The following CDON variants were observed in gnomAD, a reference collection of about 807,000 sequenced individuals.
CDON encodes cell adhesion associated, oncogene regulated, also known as cell adhesion molecule-related/down-regulated by oncogenes.
Under a neutral mutation model 120.9 loss-of-function variants are expected in CDON, and 73 were observed. The observed-to-expected ratio is 0.60, with a 90% CI of 0.50 to 0.73. The LOEUF is 0.73. Among genes scored for constraint, CDON ranks in the 30% least tolerant of loss-of-function variants. The probability of loss-of-function intolerance (pLI) is 0.00; values close to 1 mark genes in which losing one functional copy is unlikely to be tolerated. For synonymous variants in CDON, 566 were observed against 573.5 expected (o/e 0.99, Z 0.19); for missense variants, 1,470 against 1,587.3 (o/e 0.93, Z 1.26).
intron 1 of CDON, among the ~76,000 whole-genome samples, chr11:126,043,307 C>T (rs1450855030): frequency 1.3e-5 from 2 of 152,114 alleles, no homozygotes; most frequent in Non-Finnish European, 2.9e-5. Context: ...AAGTGGCCAA[C>T]AGGAAACTTC....
chr11:125,962,133 A>C, intron 18 of CDON, 135 bp from the exon 19 acceptor site: 1 of 717,386 alleles, frequency 1.4e-6, no homozygotes. Context: ...AAACAACTAA[A>C]TGATTCACTA....
rs201530015 is a variant in CDON, at chr11:125,997,234, A to C, written c.2335T>G (p.Ser779Ala). ...AAEDIPPSKL[S>A]VEVRSLEPGS... Reference sequence around the variant, plus strand: ...GGTTCTAAACTACGAACTTCCACTGAAAGTTTGGAAGGAGGGATGTCTTCA... The same window carrying C: ...GGTTCTAAACTACGAACTTCCACTGCAAGTTTGGAAGGAGGGATGTCTTCA... The change falls in exon 12 of 20, where the codon TCA (serine) becomes GCA (alanine). Residue 779 changes from serine to alanine, a missense_variant. By Grantham distance (99) the Ser-to-Ala change is moderately conservative. Coordinates refer to ENST00000531738, the MANE Select transcript of CDON (RefSeq NM_001378964.1). 2.5e-6 allele frequency: 4 copies of C among 1,613,670 alleles called. No homozygotes were observed. The highest frequency in any genetic ancestry group is 3.4e-6 in the Non-Finnish European group (4 of 1,179,672).
At chr11:125,962,038 A>G (rs759465225) in intron 18 of CDON, 40 bp from the exon 19 acceptor site, 1 of 1,466,604 alleles carries the variant, frequency 6.8e-7, no homozygotes, top group African/African-American at 1.4e-5. Context: ...TTGTGTCTAG[A>G]GGAACCAATA....
intron 17 of CDON, 49 bp downstream of exon 17, chr11:125,981,000 T>C: frequency 6.3e-7 from 1 of 1,592,352 alleles, no homozygotes; most frequent in South Asian, 1.1e-5. Context: ...TTCTAGTACT[T>C]GGCACCCTGA....
At chr11:126,022,013 G>C (rs1947656494) in intron 2 of CDON, among the ~76,000 whole-genome samples, 1 of 150,076 alleles carries the variant, frequency 6.7e-6, no homozygotes, top group Non-Finnish European at 1.5e-5. Context: ...GAGGTGGGAG[G>C]ATTGCTTGAG....
Position 125,997,323 on chromosome 11 carries a change from G to C in CDON, c.2246C>G (p.Ser749Cys), listed in dbSNP as rs757737281. The C allele has an allele frequency of 6.2e-7, 1 of 1,614,046 alleles. No homozygotes were observed. Among genetic ancestry groups the C allele is most frequent in the Non-Finnish European group, 8.5e-7 (1 of 1,179,922 alleles). Residue 749 changes from serine to cysteine, a missense_variant, in exon 12 of 20, where the codon TCT (serine) becomes TGT (cysteine). Transcript: ENST00000531738. Reference sequence around the variant, plus strand: ...TTCGACTTTGAAGGCAGTGATTGGAGAACCCCCGTTTGCCCGAGGAATCCA... The same window carrying C: ...TTCGACTTTGAAGGCAGTGATTGGACAACCCCCGTTTGCCCGAGGAATCCA... ...VTWIPRANGG[S>C]PITAFKVEYK...
At position 126,062,666 on chromosome 11, in the gene CDON, CG is replaced by C; in HGVS notation, c.-150del. 1 of 154,116 alleles carries C rather than the reference CG, an allele frequency of 6.5e-6. No individual in the cohort carries two copies. The highest frequency in any genetic ancestry group is 1.4e-5 in the Non-Finnish European group (1 of 69,944). The allele number at this position is 154,116 out of a possible 1,614,324, so 9.5% of individuals were successfully genotyped here. A position where few individuals can be genotyped will look rare whatever the true frequency, so the allele number is the denominator to read the frequency against. On this transcript the variant is annotated 5_prime_UTR_variant, in exon 1 of 20. It removes the in-frame stop codon of an upstream open reading frame in the 5' UTR. Coordinates refer to ENST00000531738, the MANE Select transcript of CDON (RefSeq NM_001378964.1). Reference sequence around the variant, plus strand: ...CCCAGGTCATCCCCCCGCGCGCGCGCGGCGGCGGCTACGGTGGCGGCGGCTG... The same window carrying C: ...CCCAGGTCATCCCCCCGCGCGCGCGCGCGGCGGCTACGGTGGCGGCGGCTG...
intron 11 of CDON, 110 bp from the exon 12 acceptor site, chr11:125,997,520 A>AGTAACCTTC (rs1361519791): frequency 1.2e-6 from 1 of 863,060 alleles, no homozygotes; most frequent in African/African-American, 1.7e-5. Context: ...GTTCTTCACC[A>AGTAACCTTC]AACTTTTTGC....
At chr11:126,051,114 T>C (rs1948548039) in intron 1 of CDON, among the ~76,000 whole-genome samples, 1 of 152,160 alleles carries the variant, frequency 6.6e-6, no homozygotes, top group Non-Finnish European at 1.5e-5. Flanking sequence ...TCATTCTTGG[T>C]TGTTAAAGGC....
chr11:125,994,212 T>C, intron 14 of CDON, 72 bp downstream of exon 14: 2 of 809,508 alleles, frequency 2.5e-6, no homozygotes, highest in East Asian at 2.5e-5. Context: ...TTTGGGATGA[T>C]GCATTTTATA....
rs180929420 is a variant in CDON at position 125,990,895 on chromosome 11, G to A, written c.2651-1136C>T. The stretch of plus-strand genomic sequence containing the variant: ...AAGGCTCAAAAGTGAGGAGTTCTAC[G>A]CCCCATTTATAAATGTAAAAAGGAC... On this transcript the variant is annotated intron_variant, in intron 14 of 19. Transcript: ENST00000531738. Among the ~76,000 whole-genome samples the A allele has an allele frequency of 1.1e-4, 17 of 152,042 alleles. No homozygotes were observed. The East Asian group carries it at 2.5e-3, about 22-fold the overall frequency.
chr11:125,962,957 T>C (rs1945687344), intron 18 of CDON, among the ~76,000 whole-genome samples: 1 of 152,172 alleles, frequency 6.6e-6, no homozygotes, highest in Non-Finnish European at 1.5e-5. Context: ...TTCTATTGAC[T>C]TTTTTTCCCT....
chr11:125,970,607 T>C (rs1290792038), intron 18 of CDON, among the ~76,000 whole-genome samples: 2 of 152,236 alleles, frequency 1.3e-5, no homozygotes, highest in African/African-American at 2.4e-5. Flanking sequence ...TCCAGGGCCA[T>C]GGCCGTCTTC....
At chr11:126,052,274 C>G (rs1296375279) in intron 1 of CDON, among the ~76,000 whole-genome samples, 1 of 152,096 alleles carries the variant, frequency 6.6e-6, no homozygotes, top group African/African-American at 2.4e-5. Flanking sequence ...ATTGGGAACT[C>G]AGGGTAGAAA....
chr11:126,026,069 T>A (rs971174449), intron 1 of CDON, among the ~76,000 whole-genome samples: 1 of 152,186 alleles, frequency 6.6e-6, no homozygotes, highest in Non-Finnish European at 1.5e-5. Context: ...TTTTAGTGCC[T>A]AGCAGAAAGT....
At position 125,984,562 on chromosome 11, in the gene CDON, C is replaced by T. The variant is rs549623967; in HGVS notation, c.2774-469G>A. 9.9e-5 allele frequency among the ~76,000 whole-genome samples: 15 copies of T among 151,974 alleles called. No homozygotes were observed. The South Asian group carries it at 2.9e-3, about 30-fold the overall frequency. ...AAATACAAAAATTAGCTGGGCGTGG[C>T]GGTGGGTGCCTGTAATCCCAGCTAC... On this transcript the variant is annotated intron_variant, in intron 15 of 19. Coordinates refer to ENST00000531738, the MANE Select transcript of CDON (RefSeq NM_001378964.1).
At chr11:126,033,414 T>C (rs1948002931) in intron 1 of CDON, among the ~76,000 whole-genome samples, 2 of 152,290 alleles carry the variant, frequency 1.3e-5, no homozygotes, top group South Asian at 4.1e-4. Flanking sequence ...CACGGAACTA[T>C]GGCTCAGGCT....
chr11:126,041,775 T>C (rs1303795300), intron 1 of CDON, among the ~76,000 whole-genome samples: 3 of 152,222 alleles, frequency 2.0e-5, no homozygotes, highest in Non-Finnish European at 4.4e-5. Flanking sequence ...GGAAAGTCAA[T>C]ACACTTTTTA....
intron 15 of CDON, among the ~76,000 whole-genome samples, chr11:125,984,297 A>AG: frequency 6.6e-6 from 1 of 152,380 alleles, no homozygotes; most frequent in Middle Eastern, 3.4e-3. Context: ...CAAACTTTAG[A>AG]GAAATCCTAA....
Sources: gnomAD v4.1 joint callset for allele counts (sites outside exome capture counted in the v4.1 genomes callset) on GRCh38, gnomAD v4.1.1 for gene constraint, MANE v1.5 for transcripts, NCBI Gene and HGNC (gene_info 2026-07-23, HGNC 2026-07-21) for gene names.